TANC2: variants seen among roughly 807,000 people sequenced by gnomAD.
TANC2 encodes tetratricopeptide repeat, ankyrin repeat and coiled-coil containing 2.
TANC2 carries 26 observed loss-of-function variants against 210.5 expected under a neutral mutation model. That is an observed-to-expected ratio of 0.12 (90% confidence interval 0.09 to 0.17). The LOEUF (loss-of-function observed/expected upper bound fraction) is 0.17, where lower values mean the gene tolerates loss of function less well. TANC2 is among the 10% of genes least tolerant of loss of function. The probability of loss-of-function intolerance (pLI) is 1.00; values close to 1 mark genes in which losing one functional copy is unlikely to be tolerated. For synonymous variants in TANC2, 931 were observed against 967.1 expected (o/e 0.96, Z 0.69); for missense variants, 2,129 against 2,608.9 (o/e 0.82, Z 4.01).
intron 9 of TANC2, among the ~76,000 whole-genome samples, chr17:63,308,219 T>C (rs942730051): frequency 2.0e-5 from 3 of 152,242 alleles, no homozygotes; most frequent in African/African-American, 7.2e-5. Context: ...ATTTTGGTGC[T>C]CTTCAGCTCC....
chr17:63,166,321 G>T (rs967269463), intron 5 of TANC2, among the ~76,000 whole-genome samples: 18 of 152,136 alleles, frequency 1.2e-4, no homozygotes, highest in African/African-American at 4.3e-4. Flanking sequence ...GAGAGAGAGA[G>T]AGAGAGAGAT....
At chr17:63,355,225 T>C in exon 14 of TANC2, 2 of 1,613,716 alleles carry the variant, frequency 1.2e-6, no homozygotes, top group Non-Finnish European at 1.7e-6. Flanking sequence ...GCTGGGAGCA[T>C]TGAAGGCACA....
intron 5 of TANC2, among the ~76,000 whole-genome samples, chr17:63,189,838 G>A (rs1260820035): frequency 2.6e-5 from 4 of 152,164 alleles, no homozygotes; most frequent in Non-Finnish European, 5.9e-5. Context: ...CTAACCAAAG[G>A]TCACAAAGTT....
intron 9 of TANC2, among the ~76,000 whole-genome samples, chr17:63,303,497 A>G (rs1175545787): frequency 1.3e-5 from 2 of 152,078 alleles, no homozygotes; most frequent in Non-Finnish European, 2.9e-5. Context: ...TTTGTAGGTG[A>G]CCTGGCCTTT....
intron 9 of TANC2, among the ~76,000 whole-genome samples, chr17:63,291,547 G>A (rs1272536627): frequency 6.6e-6 from 1 of 152,174 alleles, no homozygotes; most frequent in East Asian, 1.9e-4. Context: ...AGATGCAAGG[G>A]TAGCAGTGTA....
chr17:63,119,710 A>C (rs746561470), intron 4 of TANC2, among the ~76,000 whole-genome samples: 2 of 152,104 alleles, frequency 1.3e-5, no homozygotes, highest in Non-Finnish European at 2.9e-5. Context: ...TGAAACTATA[A>C]TTTTTATTAA....
intron 9 of TANC2, among the ~76,000 whole-genome samples, chr17:63,304,377 C>T (rs936808577): frequency 2.0e-5 from 3 of 152,102 alleles, no homozygotes; most frequent in Non-Finnish European, 4.4e-5. Context: ...TCACTTCAGG[C>T]CCTATTCATC....
intron 4 of TANC2, among the ~76,000 whole-genome samples, chr17:63,109,975 T>C (rs775405526): frequency 2.0e-5 from 3 of 151,732 alleles, no homozygotes; most frequent in Admixed American, 6.6e-5. Flanking sequence ...TAAAAGACTT[T>C]ATTTACAGCC....
chr17:63,303,056 C>G (rs562884326), intron 9 of TANC2, among the ~76,000 whole-genome samples: 3 of 152,106 alleles, frequency 2.0e-5, no homozygotes, highest in Non-Finnish European at 2.9e-5. Flanking sequence ...GCCACTGTGC[C>G]CGGTCATCTG....
intron 1 of TANC2, among the ~76,000 whole-genome samples, chr17:63,005,896 T>TTG (rs56763847): frequency 0.1 from 13,870 of 132,706 alleles, 757 homozygotes; most frequent in East Asian, 0.18. Flanking sequence ...GCTGTATAGT[T>TTG]TGTGTGTGTG....
intron 2 of TANC2, among the ~76,000 whole-genome samples, chr17:63,070,923 A>G (rs1250531062): frequency 3.9e-5 from 6 of 152,280 alleles, no homozygotes; most frequent in South Asian, 4.1e-4. Flanking sequence ...GTTTCTCACA[A>G]TGTAATTTCT....
chr17:63,002,634 G>A lies in TANC2; in HGVS notation c.-23-6903G>A, dbSNP rs745848633. Among the ~76,000 whole-genome samples, 9 of 151,994 alleles carry A rather than the reference G, an allele frequency of 5.9e-5. No homozygotes were observed. The East Asian group carries it at 9.6e-4, about 16-fold the overall frequency. ...TACCATCATCCTAGAAAGGTTCCTC[G>A]TGCCATTTCTAAGTTGATCCCCATA... On this transcript the variant is annotated intron_variant, in intron 1 of 27. Transcript: ENST00000689528.
At chr17:63,155,339 A>C (rs2039799461) in intron 5 of TANC2, 1 of 152,130 alleles carries the variant, frequency 6.6e-6, no homozygotes, top group Non-Finnish European at 1.5e-5. Context: ...CCTTTCTGTT[A>C]CTCATCATCA....
intron 9 of TANC2, among the ~76,000 whole-genome samples, chr17:63,306,948 T>TA (rs1026816821): frequency 1.1e-4 from 16 of 151,142 alleles, no homozygotes; most frequent in East Asian, 1.9e-4. Flanking sequence ...CCATGTCTCT[T>TA]AAAAAAAAAT....
chr17:63,131,553 A>G (rs2038920300), intron 4 of TANC2, among the ~76,000 whole-genome samples: 1 of 150,924 alleles, frequency 6.6e-6, no homozygotes, highest in South Asian at 2.1e-4. Context: ...TTTCTACATT[A>G]CACCAGTTGC....
exon 10 of TANC2, chr17:63,314,624 A>G: frequency 1.2e-6 from 2 of 1,614,034 alleles, no homozygotes; most frequent in South Asian, 2.2e-5. Flanking sequence ...CCATGGTACA[A>G]GGATGAGACA....
rs182486310 is a variant in TANC2 at position 63,178,311 on chromosome 17, C to T, written c.434-15680C>T. ...TCGCGCCACTGCACTCCAGCCTGGG[C>T]GACAGAGCAAGACTCTGTCTCAAAA... On this transcript the variant is annotated intron_variant, in intron 5 of 27. Transcript: ENST00000689528. Among the ~76,000 whole-genome samples, 435 of 151,802 alleles carry T rather than the reference C, an allele frequency of 2.9e-3. 3 individuals carry two copies. Among genetic ancestry groups the T allele is most frequent in the African/African-American group, 9.8e-3 (407 of 41,328 alleles).
intron 2 of TANC2, among the ~76,000 whole-genome samples, chr17:63,021,490 T>C (rs944045924): frequency 2.6e-5 from 4 of 152,222 alleles, no homozygotes; most frequent in Admixed American, 1.3e-4. Flanking sequence ...CTTGACCTTC[T>C]GGTCTCTGCC....
intron 14 of TANC2, among the ~76,000 whole-genome samples, chr17:63,374,083 C>T (rs1329120927): frequency 1.5e-5 from 2 of 129,490 alleles, no homozygotes; most frequent in African/African-American, 6.2e-5. Flanking sequence ...GTTGCCCAGG[C>T]TGGAGTGCAA....
Sources: gnomAD v4.1 joint callset for allele counts (sites outside exome capture counted in the v4.1 genomes callset) on GRCh38, gnomAD v4.1.1 for gene constraint, MANE v1.5 for transcripts, NCBI Gene and HGNC (gene_info 2026-07-23, HGNC 2026-07-21) for gene names.